Variants in NCAPH observed in about 807,000 individuals in gnomAD.
The protein encoded by NCAPH is non-SMC condensin I complex subunit H, also known as condensin complex subunit 2.
Under a neutral mutation model 85.5 loss-of-function variants are expected in NCAPH, and 38 were observed. The ratio of observed to expected loss-of-function variants is 0.44; its 90% CI spans 0.34 to 0.58. The LOEUF is 0.58. Ranked by LOEUF, NCAPH falls within the 20% of genes least tolerant of loss-of-function variation. The probability of loss-of-function intolerance (pLI) is 0.01; values close to 1 mark genes in which losing one functional copy is unlikely to be tolerated. For synonymous variants in NCAPH, 301 were observed against 335.1 expected, an observed-to-expected ratio of 0.90 and a Z score of 1.11; for missense variants, 789 against 916.6, an observed-to-expected ratio of 0.86 and a Z score of 1.80.
chr2:96,340,347 A>G (rs1002504241), intron 1 of NCAPH, among the ~76,000 whole-genome samples: 5 of 149,334 alleles, frequency 3.3e-5, no homozygotes, highest in Admixed American at 3.3e-4. Context: ...ATACCCACCT[A>G]TCTAACCCAG....
rs374474718 is a variant in NCAPH at position 96,358,618 on chromosome 2, G to A, written c.1209-427G>A. On this transcript the variant is annotated intron_variant, in intron 9 of 17. Transcript: ENST00000240423. Reference sequence around the variant, plus strand: ...GGAGTAGCTGGGACTACAGGCGCCCGCCACCACGCCCGGCTAATTTTTTGT... The same window carrying A: ...GGAGTAGCTGGGACTACAGGCGCCCACCACCACGCCCGGCTAATTTTTTGT... Among the ~76,000 whole-genome samples, 25 of 152,200 alleles carry A rather than the reference G, an allele frequency of 1.6e-4. No homozygotes were observed. In the East Asian group the frequency reaches 3.7e-3, roughly 22 times the overall value.
chr2:96,338,241 GAAAAA>G (rs34560390), intron 1 of NCAPH, among the ~76,000 whole-genome samples: 107 of 80,830 alleles, frequency 1.3e-3, no homozygotes, highest in East Asian at 3.4e-3. Flanking sequence ...CTATTTTATT[GAAAAA>G]AAAAAAAAAA....
chr2:96,360,479 T>C, intron 11 of NCAPH, 109 bp from the exon 12 acceptor site: 1 of 1,277,544 alleles, frequency 7.8e-7, no homozygotes, highest in Non-Finnish European at 1.1e-6. Context: ...ACTGTGAGAC[T>C]GATGGTAGAC....
chr2:96,353,577 A>T (rs1227560557), intron 8 of NCAPH, among the ~76,000 whole-genome samples, 180 bp downstream of exon 8: 1 of 152,212 alleles, frequency 6.6e-6, no homozygotes, highest in Non-Finnish European at 1.5e-5. Context: ...GAACCCCAGC[A>T]GGACTATTCT....
At chr2:96,336,972 C>T (rs984998348) in intron 1 of NCAPH, among the ~76,000 whole-genome samples, 1 of 152,028 alleles carries the variant, frequency 6.6e-6, no homozygotes, top group Non-Finnish European at 1.5e-5. Context: ...AAGAGAAAGG[C>T]CAGAAAATGA....
intron 6 of NCAPH, among the ~76,000 whole-genome samples, chr2:96,346,600 G>C (rs1237392611): frequency 6.6e-6 from 1 of 152,138 alleles, no homozygotes; most frequent in Non-Finnish European, 1.5e-5. Flanking sequence ...GAAGACAGGG[G>C]AATGAGGGCA....
chr2:96,367,471 A>G (rs534087019), intron 15 of NCAPH, 98 bp downstream of exon 15: 2 of 807,488 alleles, frequency 2.5e-6, no homozygotes, highest in Non-Finnish European at 4.1e-6. Flanking sequence ...AATGCCTCCA[A>G]TACAGAAATG....
At chr2:96,347,662 A>G (rs914312401) in intron 6 of NCAPH, among the ~76,000 whole-genome samples, 1 of 152,154 alleles carries the variant, frequency 6.6e-6, no homozygotes, top group African/African-American at 2.4e-5. Context: ...TCAGAGTTCT[A>G]TAGATCTTAG....
Position 96,341,683 on chromosome 2 carries a change from G to A in NCAPH, c.61G>A (p.Gly21Arg). The change falls in exon 2 of 18, where the codon GGA becomes AGA. Residue 21 changes from glycine (G) to arginine (R), a missense_variant. Physicochemically the swap from Gly to Arg is moderately radical, Grantham distance 125. Transcript: ENST00000240423. ...GAATAACTCTTCTTCAGAGACGCGA[G>A]GACACCCCCACAGTGCCTCCTCTCC... The part of the protein sequence containing the change: ...TMNNSSSETR[G>R]HPHSASSPSE... The A allele has an allele frequency of 6.2e-7, 1 of 1,614,110 alleles. No individual in the cohort carries two copies. Among genetic ancestry groups the A allele is most frequent in the Non-Finnish European group, 8.5e-7 (1 of 1,179,996 alleles).
chr2:96,341,155 G>C (rs1177752519), intron 1 of NCAPH, among the ~76,000 whole-genome samples: 1 of 151,938 alleles, frequency 6.6e-6, no homozygotes, highest in Non-Finnish European at 1.5e-5. Context: ...TGATTCTTTG[G>C]AACATTCTAT....
rs992006239 is a variant in NCAPH, at chr2:96,375,444, A to G, written c.*2093A>G. Reference sequence around the variant, plus strand: ...GTGAATGGGATTAGTGCTCTTATAAAAGAGGCCTGAGGAAGCTTGTTCGTT... The same window carrying G: ...GTGAATGGGATTAGTGCTCTTATAAGAGAGGCCTGAGGAAGCTTGTTCGTT... On this transcript the variant is annotated 3_prime_UTR_variant, in exon 18 of 18. Transcript: ENST00000240423. Among the ~76,000 whole-genome samples the G allele has an allele frequency of 3.3e-5, 5 of 152,172 alleles. No individual in the cohort carries two copies. The highest frequency in any genetic ancestry group is 6.6e-5 in the Admixed American group (1 of 15,266).
chr2:96,356,216 T>C (rs918221531), intron 9 of NCAPH, among the ~76,000 whole-genome samples: 12 of 152,226 alleles, frequency 7.9e-5, no homozygotes, highest in Non-Finnish European at 1.5e-4. Flanking sequence ...GCTGCAGTTC[T>C]AGTCTCAGAT....
At chr2:96,336,235 G>C (rs1193384280) in intron 1 of NCAPH, among the ~76,000 whole-genome samples, 1 of 152,230 alleles carries the variant, frequency 6.6e-6, no homozygotes, top group Non-Finnish European at 1.5e-5. Flanking sequence ...TGTGGTTACC[G>C]TTGTATGCTT....
chr2:96,354,802 G>A lies in NCAPH; in HGVS notation c.1208+414G>A, dbSNP rs569673084. ...CCACTTTGGTTATAAAACTGACATT[G>A]CAAGAGTTTGTAAGGATTAGAACAA... is the stretch of plus-strand genomic sequence containing the variant. On this transcript the variant is annotated intron_variant, in intron 9 of 17. Transcript: ENST00000240423. Among the ~76,000 whole-genome samples, 16 of 152,308 alleles carry A rather than the reference G, an allele frequency of 1.1e-4. 1 individual carries two copies. The South Asian group carries it at 3.1e-3, about 30-fold the overall frequency.
At chr2:96,357,729 G>A (rs1360084484) in intron 9 of NCAPH, among the ~76,000 whole-genome samples, 1 of 152,128 alleles carries the variant, frequency 6.6e-6, no homozygotes, top group Non-Finnish European at 1.5e-5. Flanking sequence ...CACAATAAAT[G>A]CACAAATGTA....
intron 9 of NCAPH, 119 bp downstream of exon 9, chr2:96,354,507 G>T: frequency 2.3e-6 from 2 of 880,958 alleles, no homozygotes; most frequent in Non-Finnish European, 3.2e-6. Flanking sequence ...CCCAAAAATA[G>T]AGACGGGCAT....
At chr2:96,350,959 C>T (rs182251884) in intron 6 of NCAPH, among the ~76,000 whole-genome samples, 92 of 152,316 alleles carry the variant, frequency 6.0e-4, no homozygotes, top group African/African-American at 2.0e-3. Flanking sequence ...ATGCCCAGTG[C>T]CTGTTTTTGC....
At chr2:96,339,967 G>A (rs956312795) in intron 1 of NCAPH, among the ~76,000 whole-genome samples, 2 of 151,866 alleles carry the variant, frequency 1.3e-5, no homozygotes, top group Admixed American at 6.6e-5. Context: ...CTGTTGCCCC[G>A]GCTAGAGTGT....
chr2:96,372,088 GC>G (rs2064782235), intron 17 of NCAPH, among the ~76,000 whole-genome samples: 1 of 152,230 alleles, frequency 6.6e-6, no homozygotes, highest in African/African-American at 2.4e-5. Flanking sequence ...TGACTGTTGA[GC>G]CCTGGCACAT....
Sources: allele counts gnomAD v4.1 joint callset (sites outside exome capture counted in the v4.1 genomes callset), GRCh38; gene constraint gnomAD v4.1.1; transcripts MANE v1.5; gene names NCBI Gene and HGNC (gene_info 2026-07-23, HGNC 2026-07-21).